The following CLCC1 variants were observed in gnomAD, a reference collection of about 807,000 sequenced individuals.
The protein encoded by CLCC1 is chloride channel CLIC-like protein 1.
A neutral mutation model predicts 63.3 loss-of-function variants in CLCC1; 39 were observed. The observed-to-expected ratio is 0.62, with a 90% confidence interval of 0.48 to 0.81. The LOEUF (loss-of-function observed/expected upper bound fraction) is 0.81. Among genes scored for constraint, CLCC1 ranks in the 30% least tolerant of loss-of-function variants. The pLI, the probability that CLCC1 is intolerant of heterozygous loss-of-function variation, is 0.00. For synonymous variants in CLCC1, 217 were observed against 239.8 expected (o/e 0.90, Z 0.88); for missense variants, 549 against 669.4 (o/e 0.82, Z 1.98).
intron 4 of CLCC1, among the ~76,000 whole-genome samples, chr1:108,948,081 G>A (rs1227037266): frequency 6.6e-6 from 1 of 152,168 alleles, no homozygotes; most frequent in East Asian, 1.9e-4. Flanking sequence ...AAAGAAGGAA[G>A]GAAGGGCAGG....
At position 108,947,619 on chromosome 1, in the gene CLCC1, G is replaced by C; in HGVS notation, c.331C>G (p.Leu111Val). ...CACCATCAAATACTCACAAGTCCAA[G>C]CTTTCCAGCTTCAATTAAAATCTTA... ...LNKILIEAGK[L>V]GLPDENKGDM... The change falls in exon 5 of 13, where the codon CTT becomes GTT. Residue 111 changes from leucine to valine, a missense_variant. By Grantham distance (32) the Leu-to-Val change is conservative. Transcript: ENST00000369969. 6.2e-7 allele frequency: 1 copy of C among 1,600,822 alleles called. No individual in the cohort carries two copies. Among genetic ancestry groups the C allele is most frequent in the East Asian group, 2.2e-5 (1 of 44,742 alleles).
In CLCC1 at chr1:108,931,287, A is replaced by T; in HGVS notation, c.*1260T>A. ...GATGTCAGCTAGAACCTTAGTTGTC[A>T]TTAAGCTTTGTCTTCCTTATCCCAG... On this transcript the variant is annotated 3_prime_UTR_variant, in exon 13 of 13. Coordinates refer to ENST00000369969, the MANE Select transcript of CLCC1 (RefSeq NM_001377458.1). The T allele has an allele frequency of 6.6e-7, 1 of 1,521,982 alleles. No individual in the cohort carries two copies. Among genetic ancestry groups the T allele is most frequent in the Non-Finnish European group, 8.8e-7 (1 of 1,133,478 alleles). The allele number at this position is 1,521,982 out of a possible 1,614,324, so 94.3% of individuals were successfully genotyped here.
intron 11 of CLCC1, 89 bp from the exon 12 acceptor site, chr1:108,935,031 G>T: frequency 7.7e-7 from 1 of 1,293,690 alleles, no homozygotes; most frequent in Non-Finnish European, 1.1e-6. Flanking sequence ...ACCCAAATCC[G>T]TTGTAGCAAG....
At position 108,943,955 on chromosome 1, in the gene CLCC1, G is replaced by GT; in HGVS notation, c.441dup (p.Pro148ThrfsTer6). 1 of 1,613,260 alleles carries GT rather than the reference G, an allele frequency of 6.2e-7. No individual in the cohort carries two copies. Among genetic ancestry groups the GT allele is most frequent in the Non-Finnish European group, 8.5e-7 (1 of 1,179,390 alleles). ...CTTAGTGCATCATCCAAGGCACCTGGTTTCCAGTCTTCTCCATTGAGAAAC... is the reference window on the plus strand; with the variant it reads ...CTTAGTGCATCATCCAAGGCACCTGGTTTTCCAGTCTTCTCCATTGAGAAAC... On this transcript the variant is annotated frameshift_variant, in exon 6 of 13. Transcript: ENST00000369969. LOFTEE classifies it high-confidence loss of function.
At chr1:108,945,689 T>C (rs1054965887) in intron 5 of CLCC1, among the ~76,000 whole-genome samples, 1 of 152,236 alleles carries the variant, frequency 6.6e-6, no homozygotes, top group Non-Finnish European at 1.5e-5. Flanking sequence ...GCCTAAAATC[T>C]GTATTAGTGC....
intron 2 of CLCC1, among the ~76,000 whole-genome samples, chr1:108,952,417 C>A (rs1655314243): frequency 6.6e-6 from 1 of 152,074 alleles, no homozygotes; most frequent in African/African-American, 2.4e-5. Flanking sequence ...ACCTCCACCC[C>A]ACCTTGGCCT....
At chr1:108,962,822 G>A (rs1216660903) in intron 1 of CLCC1, among the ~76,000 whole-genome samples, 1 of 148,126 alleles carries the variant, frequency 6.8e-6, no homozygotes, top group Non-Finnish European at 1.5e-5. Flanking sequence ...CGTGAGCGGA[G>A]ATAGCACCAC....
chr1:108,947,655 T>G lies in CLCC1; in HGVS notation c.295A>C (p.Arg99=), dbSNP rs1433761254. ...TCAATTAAAATCTTATTTAAGTATC[T>G]CCTAAAAACAGGATTGCTTTGACTT... ...YESQSNPVFR[R]YLNKILIEAG... The change falls in exon 5 of 13, where the codon AGA becomes CGA. Residue 99 remains arginine (R), a synonymous_variant. Transcript: ENST00000369969. 1.9e-6 allele frequency: 3 copies of G among 1,612,026 alleles called. No individual in the cohort carries two copies. The highest frequency in any genetic ancestry group is 2.5e-6 in the Non-Finnish European group (3 of 1,179,204).
intron 2 of CLCC1, among the ~76,000 whole-genome samples, chr1:108,951,277 G>A (rs11102684): frequency 0.22 from 32,901 of 152,150 alleles, 4,243 homozygotes; most frequent in East Asian, 0.37. Context: ...AGCCCCTTGG[G>A]AGGCTGAGGC....
At position 108,934,877 on chromosome 1, in the gene CLCC1, C is replaced by T. The variant is rs776756029; in HGVS notation, c.1449G>A (p.Pro483=). ...ETGGILGEGT[P]KESSTESSQS... ...GGCTGCTTTCAGTACTGCTTTCTTT[C>T]GGTGTGCCTTCCCCCAGGATTCCAC... is the stretch of plus-strand genomic sequence containing the variant. The change falls in exon 12 of 13, where the codon CCG becomes CCA. Residue 483 remains proline (P), a synonymous_variant. Coordinates refer to ENST00000369969, the MANE Select transcript of CLCC1 (RefSeq NM_001377458.1). 52 of 1,614,046 alleles carry T rather than the reference C, an allele frequency of 3.2e-5. No individual in the cohort carries two copies. The highest frequency in any genetic ancestry group is 1.7e-4 in the Middle Eastern group (1 of 5,972).
At chr1:108,937,504 A>T (rs1653194922) in intron 10 of CLCC1, 86 bp from the exon 11 acceptor site, 13 of 1,146,296 alleles carry the variant, frequency 1.1e-5, no homozygotes, top group Non-Finnish European at 1.6e-5. Flanking sequence ...GTGCTAACAA[A>T]GTTATGTAAT....
chr1:108,963,478 A>C lies in CLCC1; in HGVS notation c.-290T>G. ...CGTGCTTCCTGGGCCTCGTCATCGAATTGTTCGGCTGACGGCTGCGTGTCC... is the reference window on the plus strand; with the variant it reads ...CGTGCTTCCTGGGCCTCGTCATCGACTTGTTCGGCTGACGGCTGCGTGTCC... On this transcript the variant is annotated 5_prime_UTR_variant, in exon 1 of 13. Transcript: ENST00000369969. The C allele has an allele frequency of 2.9e-6, 2 of 701,702 alleles. No homozygotes were observed. The highest frequency in any genetic ancestry group is 5.2e-6 in the Non-Finnish European group (2 of 384,366). 43.5% of individuals were successfully genotyped at this position (701,702 alleles called of 1,614,324 possible).
At chr1:108,951,168 T>G (rs1301359841) in intron 2 of CLCC1, among the ~76,000 whole-genome samples, 1 of 151,984 alleles carries the variant, frequency 6.6e-6, no homozygotes, top group East Asian at 1.9e-4. Flanking sequence ...GCACTTTGGG[T>G]AGGTGGATCA....
intron 4 of CLCC1, among the ~76,000 whole-genome samples, chr1:108,947,947 C>T (rs1300791879): frequency 6.6e-6 from 1 of 152,144 alleles, no homozygotes; most frequent in Non-Finnish European, 1.5e-5. Context: ...AATACTTAGC[C>T]CTAACCTGGC....
intron 8 of CLCC1, 58 bp from the exon 9 acceptor site, chr1:108,940,200 C>G: frequency 8.1e-7 from 1 of 1,240,880 alleles, no homozygotes; most frequent in Non-Finnish European, 1.2e-6. Flanking sequence ...ATTTCATTCC[C>G]AAACAAGACA....
Position 108,943,893 on chromosome 1 carries a change from T to A in CLCC1, c.504A>T (p.Glu168Asp). 6.2e-7 allele frequency: 1 copy of A among 1,614,012 alleles called. No homozygotes were observed. The highest frequency in any genetic ancestry group is 8.5e-7 in the Non-Finnish European group (1 of 1,179,912). Residue 168 changes from glutamate (E) to aspartate (D), a missense_variant, in exon 6 of 13, where the codon GAA (glutamate) becomes GAT (aspartate). Physicochemically the swap from Glu to Asp is conservative, Grantham distance 45. Coordinates refer to ENST00000369969, the MANE Select transcript of CLCC1 (RefSeq NM_001377458.1). The stretch of plus-strand genomic sequence containing the variant: ...AATCTTCGAATCGCCACTTCCATGT[T>A]TCAAAATCATGAAACTTAAAATTAA... ...ILINFKFHDF[E>D]TWKWRFEDSF...
intron 11 of CLCC1, among the ~76,000 whole-genome samples, chr1:108,935,573 C>T (rs868478403): frequency 6.6e-6 from 1 of 152,012 alleles, no homozygotes. Context: ...TTGAGACCAG[C>T]CTGGGTAACA....
Position 108,939,778 on chromosome 1 carries a change from A to G in CLCC1, c.899T>C (p.Leu300Pro), listed in dbSNP as rs767507104. Residue 300 changes from leucine to proline, a missense_variant, in exon 10 of 13, where the codon CTT (leucine) becomes CCT (proline). By Grantham distance (98) the Leu-to-Pro change is moderately conservative. Transcript: ENST00000369969. Reference sequence around the variant, plus strand: ...TACAAATGTGGTGAATGTAACTGCAAGTGCCTAAAACGAGAGAAAAGCAAC... The same window carrying G: ...TACAAATGTGGTGAATGTAACTGCAGGTGCCTAAAACGAGAGAAAAGCAAC... Reference protein sequence around the residue: ...PIWLVPPTKALAVTFTTFVTE... With the variant: ...PIWLVPPTKAPAVTFTTFVTE... The G allele has an allele frequency of 1.2e-6, 2 of 1,613,566 alleles. No homozygotes were observed. The highest frequency in any genetic ancestry group is 2.2e-5 in the East Asian group (1 of 44,870).
chr1:108,935,410 A>G (rs1652756674), intron 11 of CLCC1, among the ~76,000 whole-genome samples: 1 of 152,208 alleles, frequency 6.6e-6, no homozygotes, highest in Admixed American at 6.5e-5. Context: ...AGCAGAGAAG[A>G]GATGAGTGCT....
Sources: allele counts gnomAD v4.1 joint callset (sites outside exome capture counted in the v4.1 genomes callset), GRCh38; gene constraint gnomAD v4.1.1; transcripts MANE v1.5; gene names NCBI Gene and HGNC (gene_info 2026-07-23, HGNC 2026-07-21).